The following CFAP263 variants were observed in gnomAD, a reference collection of about 807,000 sequenced individuals.
CFAP263 encodes cilia- and flagella-associated protein 263.
the CFAP263 span, among the ~76,000 whole-genome samples, chr16:58,265,357 G>C: frequency 6.6e-6 from 1 of 152,220 alleles, no homozygotes; most frequent in African/African-American, 2.4e-5. Context: ...GGAAGAGGAA[G>C]TCATAGATGT....
the CFAP263 span, among the ~76,000 whole-genome samples, chr16:58,263,761 T>C: frequency 9.9e-5 from 15 of 152,222 alleles, no homozygotes; most frequent in African/African-American, 3.6e-4. Context: ...GCACATCACC[T>C]GAGGCCAGGA....
chr16:58,279,495 C>T, the CFAP263 span, among the ~76,000 whole-genome samples: 2 of 151,992 alleles, frequency 1.3e-5, no homozygotes, highest in African/African-American at 4.8e-5. Context: ...AAAAATCTTC[C>T]GGTGGGTGCT....
chr16:58,266,419 T>A, the CFAP263 span, among the ~76,000 whole-genome samples: 15 of 137,508 alleles, frequency 1.1e-4, no homozygotes, highest in East Asian at 2.1e-4. Context: ...TTTTTTTTTT[T>A]TTTTTTTTTT....
the CFAP263 span, chr16:58,252,833 T>G: frequency 6.5e-5 from 105 of 1,613,888 alleles, no homozygotes; most frequent in East Asian, 2.2e-4. Context: ...AATTAAAATA[T>G]CAGCAGCAGA....
chr16:58,256,734 G>A, the CFAP263 span, among the ~76,000 whole-genome samples: 3 of 152,092 alleles, frequency 2.0e-5, no homozygotes, highest in African/African-American at 7.2e-5. Context: ...GCCTGAGGCC[G>A]GCCAGTGAAA....
the CFAP263 span, among the ~76,000 whole-genome samples, chr16:58,279,038 G>A: frequency 6.6e-6 from 1 of 152,016 alleles, no homozygotes; most frequent in Non-Finnish European, 1.5e-5. Context: ...CTCATTCCAT[G>A]CATGTACACA....
chr16:58,279,804 C>T, the CFAP263 span: 6 of 1,529,970 alleles, frequency 3.9e-6, no homozygotes, highest in Non-Finnish European at 5.4e-6. Flanking sequence ...GCTTACAGAC[C>T]ACTACATGAC....
At chr16:58,273,690 A>G in the CFAP263 span, among the ~76,000 whole-genome samples, 1 of 151,976 alleles carries the variant, frequency 6.6e-6, no homozygotes, top group Non-Finnish European at 1.5e-5. Flanking sequence ...AAGGCAGTTT[A>G]TTTTGCCTTC....
chr16:58,264,476 T>TG, the CFAP263 span, among the ~76,000 whole-genome samples: 1 of 152,142 alleles, frequency 6.6e-6, no homozygotes, highest in Non-Finnish European at 1.5e-5. Flanking sequence ...GAGCCATTCC[T>TG]GGGGGAAATG....
chr16:58,264,753 A>G, the CFAP263 span, among the ~76,000 whole-genome samples: 1 of 152,242 alleles, frequency 6.6e-6, no homozygotes, highest in Admixed American at 6.5e-5. Flanking sequence ...AGGAGGGGCC[A>G]CTTTGATATA....
At chr16:58,271,475 C>T in the CFAP263 span, among the ~76,000 whole-genome samples, 1 of 152,070 alleles carries the variant, frequency 6.6e-6, no homozygotes, top group South Asian at 2.1e-4. Context: ...TAGTTCTTAC[C>T]TGACGTCCTT....
chr16:58,280,759 T>A, the CFAP263 span: 2 of 1,597,026 alleles, frequency 1.3e-6, no homozygotes, highest in Admixed American at 3.4e-5. Context: ...TGGGTCCCCC[T>A]GTGATAAAAG....
chr16:58,280,128 G>T, the CFAP263 span: 8 of 1,275,406 alleles, frequency 6.3e-6, no homozygotes, highest in African/African-American at 7.5e-5. Context: ...CAGCCCCAGT[G>T]TGCAACTATC....
the CFAP263 span, among the ~76,000 whole-genome samples, chr16:58,277,517 T>C: frequency 1.3e-5 from 2 of 152,194 alleles, no homozygotes; most frequent in Non-Finnish European, 2.9e-5. Context: ...AAGACAAGGA[T>C]TACTCACGAA....
At chr16:58,252,956 A>G in the CFAP263 span, 2 of 1,126,502 alleles carry the variant, frequency 1.8e-6, no homozygotes, top group Admixed American at 1.8e-5. Flanking sequence ...CCAATTGACC[A>G]TGGGACCTTC....
the CFAP263 span, among the ~76,000 whole-genome samples, chr16:58,273,423 A>T: frequency 2.0e-5 from 3 of 152,014 alleles, no homozygotes; most frequent in African/African-American, 7.2e-5. Flanking sequence ...TCAATCTACA[A>T]GTTTACTGAT....
At chr16:58,257,010 A>ATTTTTTTTTTTTTTTTT in the CFAP263 span, among the ~76,000 whole-genome samples, 1 of 50,188 alleles carries the variant, frequency 2.0e-5, no homozygotes, top group African/African-American at 9.4e-5. Context: ...GCATATATGA[A>ATTTTTTTTTTTTTTTTT]TTTCTTTTTT....
the CFAP263 span, chr16:58,279,793 G>A: frequency 5.2e-5 from 83 of 1,588,738 alleles, no homozygotes; most frequent in South Asian, 8.9e-5. Flanking sequence ...GGCAGGCCAC[G>A]GCTTACAGAC....
chr16:58,283,565 G>T, the CFAP263 span: 3 of 152,140 alleles, frequency 2.0e-5, no homozygotes, highest in Non-Finnish European at 4.4e-5. Context: ...AAAAATGATG[G>T]TGCATTCTAT....
Sources: gnomAD v4.1 joint callset for allele counts (sites outside exome capture counted in the v4.1 genomes callset) on GRCh38, gnomAD v4.1.1 for gene constraint, MANE v1.5 for transcripts, NCBI Gene and HGNC (gene_info 2026-07-23, HGNC 2026-07-21) for gene names.